The following AFG1L variants were observed in gnomAD, a reference collection of about 807,000 sequenced individuals.
The protein encoded by AFG1L is AFG1-like ATPase.
AFG1L carries 53 observed loss-of-function variants against 62.2 expected under a neutral mutation model. The ratio of observed to expected loss-of-function variants is 0.85; its 90% confidence interval spans 0.68 to 1.07. The LOEUF (loss-of-function observed/expected upper bound fraction) is 1.07. AFG1L is among the 50% of genes least tolerant of loss of function. The pLI, the probability that AFG1L is intolerant of heterozygous loss-of-function variation, is 0.00. For synonymous variants in AFG1L, 228 were observed against 210.3 expected, an observed-to-expected ratio of 1.08 and a Z score of -0.73; for missense variants, 555 against 590.5, an observed-to-expected ratio of 0.94 and a Z score of 0.62.
intron 1 of AFG1L, among the ~76,000 whole-genome samples, chr6:108,313,604 A>G (rs1777488977): frequency 6.6e-6 from 1 of 152,100 alleles, no homozygotes; most frequent in Admixed American, 6.6e-5. Context: ...CAGTGACATA[A>G]TCACGGCTCA....
At position 108,525,288 on chromosome 6, in the gene AFG1L, G is replaced by T. The variant is rs901314714; in HGVS notation, c.*2863G>T. ...TCTCATATTTCTTTAGGCAGTGTAT[G>T]AGCTTATTTGCTGATATCACTAATC... On this transcript the variant is annotated 3_prime_UTR_variant, in exon 13 of 13. Coordinates refer to ENST00000368977, the MANE Select transcript of AFG1L (RefSeq NM_145315.5). 1.3e-5 allele frequency: 2 copies of T among 152,206 alleles called. No homozygotes were observed. The highest frequency in any genetic ancestry group is 4.8e-5 in the African/African-American group (2 of 41,444). The allele number at this position is 152,206 out of a possible 1,614,324, so 9.4% of individuals were successfully genotyped here.
At chr6:108,515,367 A>G (rs1774836870) in intron 11 of AFG1L, among the ~76,000 whole-genome samples, 1 of 152,204 alleles carries the variant, frequency 6.6e-6, no homozygotes, top group Non-Finnish European at 1.5e-5. Flanking sequence ...ACTCAACTAC[A>G]TGGAAACTGA....
Position 108,353,675 on chromosome 6 carries a change from T to A in AFG1L, c.416-1979T>A, listed in dbSNP as rs1245176439. On this transcript the variant is annotated intron_variant, in intron 3 of 12. Transcript: ENST00000368977. ...ATTAGTGAATGCATTTTTGGTTAGA[T>A]AATTCATGACTTTATTCTGAATCTA... 2.0e-5 allele frequency among the ~76,000 whole-genome samples: 3 copies of A among 152,198 alleles called. 1 individual carries two copies. Among genetic ancestry groups the A allele is most frequent in the African/African-American group, 7.2e-5 (3 of 41,448 alleles).
At position 108,378,985 on chromosome 6, in the gene AFG1L, C is replaced by T. The variant is rs181702771; in HGVS notation, c.748+12653C>T. On this transcript the variant is annotated intron_variant, in intron 6 of 12. Transcript: ENST00000368977. Reference sequence around the variant, plus strand: ...GCCCTATGCTGCTGCTGCTGCTCTTCTCCTTCTCCTTCTTCTTTTTTTTTT... The same window carrying T: ...GCCCTATGCTGCTGCTGCTGCTCTTTTCCTTCTCCTTCTTCTTTTTTTTTT... Among the ~76,000 whole-genome samples, 946 of 147,976 alleles carry T rather than the reference C, an allele frequency of 6.4e-3. 12 individuals carry two copies. Among genetic ancestry groups the T allele is most frequent in the African/African-American group, 0.022 (899 of 40,086 alleles).
chr6:108,418,482 A>G (rs1283081307), intron 7 of AFG1L, among the ~76,000 whole-genome samples: 3 of 152,188 alleles, frequency 2.0e-5, no homozygotes, highest in Non-Finnish European at 4.4e-5. Context: ...ACATATGTCA[A>G]TAGCACCTTT....
chr6:108,359,124 G>A (rs1248065706), intron 5 of AFG1L: 1 of 152,170 alleles, frequency 6.6e-6, no homozygotes, highest in South Asian at 2.1e-4. Context: ...TACCAACATA[G>A]TCGTAATGTT....
chr6:108,517,172 C>CA (rs1275044775), intron 11 of AFG1L, among the ~76,000 whole-genome samples: 1 of 152,006 alleles, frequency 6.6e-6, no homozygotes, highest in Non-Finnish European at 1.5e-5. Context: ...CATATGGAAC[C>CA]AAAAAAGAGC....
At chr6:108,328,233 C>T (rs2114327939) in intron 2 of AFG1L, among the ~76,000 whole-genome samples, 1 of 152,152 alleles carries the variant, frequency 6.6e-6, no homozygotes, top group South Asian at 2.1e-4. Context: ...GTTTGTGATA[C>T]AGGTGGGCAT....
At chr6:108,461,398 A>G (rs1772457295) in intron 8 of AFG1L, among the ~76,000 whole-genome samples, 1 of 152,242 alleles carries the variant, frequency 6.6e-6, no homozygotes, top group African/African-American at 2.4e-5. Flanking sequence ...ATAAACAACT[A>G]CAAAACAACA....
chr6:108,422,253 C>G (rs114129363), intron 7 of AFG1L, among the ~76,000 whole-genome samples: 39 of 151,718 alleles, frequency 2.6e-4, no homozygotes, highest in African/African-American at 8.9e-4. Context: ...TGTCCGATAT[C>G]CACTACTGGG....
At chr6:108,315,029 C>T (rs1348169167) in intron 1 of AFG1L, among the ~76,000 whole-genome samples, 4 of 151,854 alleles carry the variant, frequency 2.6e-5, no homozygotes, top group Admixed American at 6.6e-5. Context: ...TTAGTAGAGA[C>T]GAGGTTTCAC....
intron 7 of AFG1L, among the ~76,000 whole-genome samples, chr6:108,430,372 C>T (rs984262407): frequency 1.3e-5 from 2 of 152,152 alleles, no homozygotes; most frequent in African/African-American, 4.8e-5. Flanking sequence ...GTTGCTTATA[C>T]TTATTGAATT....
chr6:108,384,542 C>T (rs529134733), intron 6 of AFG1L, among the ~76,000 whole-genome samples: 16 of 152,154 alleles, frequency 1.1e-4, no homozygotes, highest in Non-Finnish European at 1.6e-4. Flanking sequence ...ATAACATTCA[C>T]GAGGTCCAGG....
At chr6:108,403,977 A>G (rs991034496) in intron 7 of AFG1L, among the ~76,000 whole-genome samples, 5 of 152,150 alleles carry the variant, frequency 3.3e-5, no homozygotes, top group African/African-American at 9.6e-5. Context: ...ACTAAATACC[A>G]GATTAGATGA....
intron 6 of AFG1L, among the ~76,000 whole-genome samples, chr6:108,400,415 A>G (rs1193792663): frequency 6.6e-6 from 1 of 151,150 alleles, no homozygotes; most frequent in African/African-American, 2.4e-5. Context: ...ATTGAGCTTT[A>G]TCAGATAATT....
intron 1 of AFG1L, among the ~76,000 whole-genome samples, chr6:108,315,960 T>C (rs1004515946): frequency 6.6e-6 from 1 of 151,994 alleles, no homozygotes; most frequent in African/African-American, 2.4e-5. Context: ...AGGGGAAGGA[T>C]AGCTTGAGCC....
intron 8 of AFG1L, among the ~76,000 whole-genome samples, chr6:108,475,419 G>C (rs1243085775): frequency 6.6e-6 from 1 of 151,754 alleles, no homozygotes; most frequent in African/African-American, 2.4e-5. Context: ...TTTTTTGCTT[G>C]TATACACCAA....
chr6:108,470,014 A>G (rs1772822341), intron 8 of AFG1L, among the ~76,000 whole-genome samples: 2 of 152,194 alleles, frequency 1.3e-5, no homozygotes, highest in African/African-American at 2.4e-5. Context: ...TCACCTGTAC[A>G]TTCAGCTGTA....
chr6:108,424,680 G>A (rs1310528481), intron 7 of AFG1L, among the ~76,000 whole-genome samples: 2 of 151,976 alleles, frequency 1.3e-5, no homozygotes, highest in Admixed American at 6.6e-5. Context: ...GCTGTGTGGT[G>A]GGAGGTTATA....
Sources: gnomAD v4.1 joint callset for allele counts (sites outside exome capture counted in the v4.1 genomes callset) on GRCh38, gnomAD v4.1.1 for gene constraint, MANE v1.5 for transcripts, NCBI Gene and HGNC (gene_info 2026-07-23, HGNC 2026-07-21) for gene names.